Variants in ERMP1 observed in about 807,000 individuals in gnomAD.
The protein encoded by ERMP1 is Felix-ina.
In ERMP1, 86 loss-of-function variants were observed where a neutral mutation model predicts 92.0. That is an observed-to-expected ratio of 0.93 (90% CI 0.79 to 1.12). ERMP1 has a LOEUF of 1.12. Ranked by LOEUF, ERMP1 falls within the 50% of genes most tolerant of loss-of-function variation. The pLI is 0.00. For missense variants in ERMP1, 1,342 were observed against 1,116.3 expected, an observed-to-expected ratio of 1.20 and a Z score of -2.88; for synonymous variants, 530 against 412.8, an observed-to-expected ratio of 1.28 and a Z score of -3.44.
chr9:5,861,823 T>C (rs528152853), intron 5 of ERMP1, among the ~76,000 whole-genome samples: 54 of 145,538 alleles, frequency 3.7e-4, no homozygotes, highest in Middle Eastern at 3.6e-3. Flanking sequence ...GGACTGCTCA[T>C]TCTGTTTCTC....
intron 5 of ERMP1, among the ~76,000 whole-genome samples, chr9:5,861,811 G>A (rs1190947798): frequency 6.7e-6 from 1 of 148,826 alleles, no homozygotes; most frequent in Non-Finnish European, 1.5e-5. Context: ...ATCAGGGGAG[G>A]GGGACTGCTC....
chr9:5,847,272 A>C (rs560086554), intron 6 of ERMP1, among the ~76,000 whole-genome samples: 15 of 152,254 alleles, frequency 9.9e-5, no homozygotes, highest in South Asian at 6.2e-4. Flanking sequence ...GGATGACTAT[A>C]AACAGGCCCA....
chr9:5,842,164 G>C (rs1224593836), intron 6 of ERMP1, among the ~76,000 whole-genome samples: 1 of 152,210 alleles, frequency 6.6e-6, no homozygotes, highest in East Asian at 1.9e-4. Flanking sequence ...TGCAGCTGCT[G>C]GCTGGGGTGG....
intron 2 of ERMP1, among the ~76,000 whole-genome samples, chr9:5,829,402 T>A (rs1276576782): frequency 6.6e-6 from 1 of 152,178 alleles, no homozygotes; most frequent in Non-Finnish European, 1.5e-5. Flanking sequence ...AGCAAATAAA[T>A]TTTACTTACA....
At chr9:5,812,588 C>A in intron 5 of ERMP1, 1 of 432,860 alleles carries the variant, frequency 2.3e-6, no homozygotes, top group Non-Finnish European at 4.2e-6. Flanking sequence ...AGGGAGTTGG[C>A]AAACCAAGAC....
intron 4 of ERMP1, 132 bp from the exon 5 acceptor site, chr9:5,813,167 C>T: frequency 1.2e-6 from 1 of 815,376 alleles, no homozygotes; most frequent in Non-Finnish European, 1.9e-6. Context: ...CCTTTTCATC[C>T]CTTTTTCTGT....
chr9:5,806,386 A>C (rs1828871043), intron 8 of ERMP1, among the ~76,000 whole-genome samples: 1 of 151,146 alleles, frequency 6.6e-6, no homozygotes. Flanking sequence ...AAGGGTTCCT[A>C]TGTAGCACCT....
chr9:5,857,577 A>G (rs1830394563), intron 6 of ERMP1, among the ~76,000 whole-genome samples: 1 of 152,172 alleles, frequency 6.6e-6, no homozygotes, highest in African/African-American at 2.4e-5. Context: ...CCTACTTATA[A>G]TCTATTGGTA....
At chr9:5,812,744 A>T in intron 5 of ERMP1, 145 bp downstream of exon 5, 1 of 893,984 alleles carries the variant, frequency 1.1e-6, no homozygotes, top group Non-Finnish European at 1.8e-6. Context: ...AAAGGAAACA[A>T]ACTCTGTTTT....
At chr9:5,857,816 G>C (rs1262958175) in intron 6 of ERMP1, among the ~76,000 whole-genome samples, 1 of 152,202 alleles carries the variant, frequency 6.6e-6, no homozygotes, top group Admixed American at 6.5e-5. Context: ...TGTTCATCAA[G>C]TGTTTACTAA....
At chr9:5,827,104 A>C (rs921067902) in intron 2 of ERMP1, among the ~76,000 whole-genome samples, 2 of 152,238 alleles carry the variant, frequency 1.3e-5, no homozygotes, top group Admixed American at 1.3e-4. Flanking sequence ...AAACTCAAGA[A>C]GATAATTAAG....
chr9:5,787,628 T>C, intron 13 of ERMP1, 35 bp from the exon 14 acceptor site: 1 of 1,582,918 alleles, frequency 6.3e-7, no homozygotes, highest in Non-Finnish European at 8.6e-7. Flanking sequence ...CAGTTAATCT[T>C]TTTAAAAGGA....
chr9:5,801,399 CTT>C (rs1335922449), intron 10 of ERMP1, 71 bp from the exon 11 acceptor site: 2 of 1,497,292 alleles, frequency 1.3e-6, no homozygotes, highest in African/African-American at 1.4e-5. Flanking sequence ...TTTTAACTAA[CTT>C]TATTTTTAAC....
At chr9:5,797,979 G>T in intron 12 of ERMP1, 47 bp from the exon 13 acceptor site, 1 of 1,155,748 alleles carries the variant, frequency 8.7e-7, no homozygotes, top group Non-Finnish European at 1.3e-6. Context: ...ATTATTTGAT[G>T]GCTATCTGTA....
intron 5 of ERMP1, among the ~76,000 whole-genome samples, chr9:5,865,650 G>C (rs932570960): frequency 4.6e-5 from 7 of 151,112 alleles, no homozygotes; most frequent in South Asian, 4.2e-4. Flanking sequence ...CTGGCCAACA[G>C]GTCTCTACTA....
intron 6 of ERMP1, among the ~76,000 whole-genome samples, chr9:5,858,080 T>C (rs540258649): frequency 1.6e-4 from 25 of 152,228 alleles, no homozygotes; most frequent in South Asian, 6.2e-4. Flanking sequence ...AAAGACCTCA[T>C]TGAAGGAAGG....
At chr9:5,834,977 A>ATGTGTGTGTGTGTG (rs71326191), upstream of ERMP1, among the ~76,000 whole-genome samples, 1 of 125,086 alleles carries the variant, frequency 8.0e-6, no homozygotes, top group African/African-American at 3.1e-5. Context: ...GGATAGATAG[A>ATGTGTGTGTGTGTG]TGTGTGTGTG....
At chr9:5,844,865 G>A (rs943571679) in intron 6 of ERMP1, among the ~76,000 whole-genome samples, 6 of 152,190 alleles carry the variant, frequency 3.9e-5, no homozygotes, top group African/African-American at 1.4e-4. Context: ...AGAAACAAAA[G>A]TCAACAAATA....
chr9:5,855,249 T>C (rs1334057014), intron 6 of ERMP1, among the ~76,000 whole-genome samples: 4 of 152,180 alleles, frequency 2.6e-5, no homozygotes, highest in African/African-American at 4.8e-5. Context: ...CTATGGAGTA[T>C]GGATGAAGCA....
Sources: allele counts gnomAD v4.1 joint callset (sites outside exome capture counted in the v4.1 genomes callset), GRCh38; gene constraint gnomAD v4.1.1; transcripts MANE v1.5; gene names NCBI Gene and HGNC (gene_info 2026-07-23, HGNC 2026-07-21).